RAPGEF6: variants seen among roughly 807,000 people sequenced by gnomAD.
RAPGEF6 encodes PDZ domain containing guanine nucleotide exchange factor (GEF) 2.
In RAPGEF6, 56 loss-of-function variants were observed where a neutral mutation model predicts 171.4. The ratio of observed to expected loss-of-function variants is 0.33; its 90% CI spans 0.26 to 0.41. RAPGEF6 has a LOEUF of 0.41. Ranked by LOEUF, RAPGEF6 falls within the 10% of genes least tolerant of loss-of-function variation. The pLI, the probability that RAPGEF6 is intolerant of heterozygous loss-of-function variation, is 1.00. For missense variants in RAPGEF6, 1,674 were observed against 1,921.4 expected, an observed-to-expected ratio of 0.87 and a Z score of 2.41; for synonymous variants, 692 against 650.1, an observed-to-expected ratio of 1.06 and a Z score of -0.98.
In RAPGEF6 at chr5:131,431,127, G is replaced by A. The variant is rs772537569; in HGVS notation, c.4197C>T (p.Pro1399=). ...AGTCAGTGGGTTCAACTTCAGCAAT[G>A]GGGTCATCCAAATGGGTATGTCTGT... ...NSYRHTHLDD[P]IAEVEPTDSE... is the part of the protein sequence containing the mutation. Residue 1399 remains proline (P), a synonymous_variant, in exon 26 of 28, where the codon CCC becomes CCT. Coordinates refer to ENST00000509018, the MANE Select transcript of RAPGEF6 (RefSeq NM_016340.6). 1 of 1,614,192 alleles carries A rather than the reference G, an allele frequency of 6.2e-7. No individual in the cohort carries two copies. Among genetic ancestry groups the A allele is most frequent in the Admixed American group, 1.7e-5 (1 of 60,026 alleles).
At chr5:131,497,255 T>C (rs979360164) in intron 12 of RAPGEF6, among the ~76,000 whole-genome samples, 4 of 152,244 alleles carry the variant, frequency 2.6e-5, no homozygotes, top group African/African-American at 9.6e-5. Flanking sequence ...AAGTTCTTTA[T>C]GTATTTTGGA....
intron 1 of RAPGEF6, among the ~76,000 whole-genome samples, chr5:131,632,185 T>A (rs183101127): frequency 6.6e-6 from 1 of 151,978 alleles, no homozygotes; most frequent in South Asian, 2.1e-4. Flanking sequence ...CCCTATGCTA[T>A]GCATCATTAT....
At chr5:131,541,940 T>G (rs903693713) in intron 6 of RAPGEF6, among the ~76,000 whole-genome samples, 1 of 149,490 alleles carries the variant, frequency 6.7e-6, no homozygotes, top group African/African-American at 2.5e-5. Flanking sequence ...TGGCAGACAT[T>G]CTCCATCTCA....
chr5:131,475,434 C>T lies in RAPGEF6; in HGVS notation c.2082-2690G>A, dbSNP rs191686865. On this transcript the variant is annotated intron_variant, in intron 16 of 27. Coordinates refer to ENST00000509018, the MANE Select transcript of RAPGEF6 (RefSeq NM_016340.6). The stretch of plus-strand genomic sequence containing the variant: ...GAAACTAAAAAGGCTACATAAATAT[C>T]GCCAATATGTAAATAAAATAGAATC... Among the ~76,000 whole-genome samples the T allele has an allele frequency of 4.8e-3, 728 of 152,094 alleles. 5 individuals are homozygous for T. The highest frequency in any genetic ancestry group is 0.017 in the African/African-American group (687 of 41,486).
At chr5:131,534,957 A>G (rs935706424) in intron 6 of RAPGEF6, among the ~76,000 whole-genome samples, 2 of 152,080 alleles carry the variant, frequency 1.3e-5, no homozygotes, top group African/African-American at 4.8e-5. Flanking sequence ...GCTGATCAAC[A>G]CACAAAGAAG....
chr5:131,590,838 CA>C (rs1763545586), intron 4 of RAPGEF6, among the ~76,000 whole-genome samples: 1 of 152,156 alleles, frequency 6.6e-6, no homozygotes. Flanking sequence ...TTCAGAACAG[CA>C]GGAGTGTTCA....
At chr5:131,441,859 A>G (rs1028727771) in intron 23 of RAPGEF6, among the ~76,000 whole-genome samples, 4 of 152,208 alleles carry the variant, frequency 2.6e-5, no homozygotes, top group African/African-American at 9.6e-5. Flanking sequence ...AACAAATAAA[A>G]GTAATATGAA....
intron 2 of RAPGEF6, 98 bp from the exon 3 acceptor site, chr5:131,603,425 G>A (rs900749911): frequency 1.3e-6 from 1 of 775,748 alleles, no homozygotes; most frequent in Admixed American, 2.7e-5. Context: ...TTGATTGTTA[G>A]AAAATGACCA....
intron 3 of RAPGEF6, among the ~76,000 whole-genome samples, chr5:131,594,595 CCA>C (rs1763783762): frequency 6.6e-6 from 1 of 152,164 alleles, no homozygotes; most frequent in African/African-American, 2.4e-5. Flanking sequence ...AATGGTAGAA[CCA>C]CAGTTTGCAC....
chr5:131,461,817 T>A lies in RAPGEF6; in HGVS notation c.2752A>T (p.Ile918Phe), dbSNP rs1580860504. ...NQETFWVASE[I>F]LTEANQLKRM... ...TTGAGCTGATTTGCTTCAGTTAAAA[T>A]TTCTGAGGCAACCCAGAATGTCTCT... is the stretch of plus-strand genomic sequence containing the variant. Residue 918 changes from isoleucine to phenylalanine, a missense_variant, in exon 19 of 28, where the codon ATT (isoleucine) becomes TTT (phenylalanine). Physicochemically the swap from Ile to Phe is conservative, Grantham distance 21. This residue lies in a region of RAPGEF6 where 1,116 missense variants were observed against 1,321.5 expected (regional missense o/e 0.84). Coordinates refer to ENST00000509018, the MANE Select transcript of RAPGEF6 (RefSeq NM_016340.6). The A allele has an allele frequency of 6.2e-7, 1 of 1,613,944 alleles. No homozygotes were observed. The highest frequency in any genetic ancestry group is 8.5e-7 in the Non-Finnish European group (1 of 1,179,818).
At chr5:131,578,816 T>C (rs56831358) in intron 4 of RAPGEF6, among the ~76,000 whole-genome samples, 11,229 of 152,260 alleles carry the variant, frequency 0.074, 851 homozygotes, top group African/African-American at 0.19. Context: ...GCAGTCACTA[T>C]TGTTTAAGAA....
intron 14 of RAPGEF6, 120 bp from the exon 15 acceptor site, chr5:131,489,774 C>G: frequency 2.0e-6 from 1 of 503,340 alleles, no homozygotes; most frequent in Non-Finnish European, 3.4e-6. Flanking sequence ...CCTATGTGAA[C>G]AACAGTTATC....
intron 9 of RAPGEF6, among the ~76,000 whole-genome samples, chr5:131,506,274 G>A (rs1757366293): frequency 6.6e-6 from 1 of 152,094 alleles, no homozygotes. Flanking sequence ...CTGAATAGCT[G>A]GGACTACAGG....
At chr5:131,593,829 G>C (rs1235760087) in intron 3 of RAPGEF6, among the ~76,000 whole-genome samples, 1 of 152,216 alleles carries the variant, frequency 6.6e-6, no homozygotes, top group East Asian at 1.9e-4. Flanking sequence ...GTTTCTAAAA[G>C]TGTACGTTCA....
intron 25 of RAPGEF6, 114 bp from the exon 26 acceptor site, chr5:131,431,463 G>A (rs1206620470): frequency 2.7e-6 from 3 of 1,126,662 alleles, no homozygotes; most frequent in Non-Finnish European, 3.8e-6. Context: ...AAGTGTTCAT[G>A]CCAAATAACA....
chr5:131,549,706 T>C (rs1372314544), intron 5 of RAPGEF6, among the ~76,000 whole-genome samples: 1 of 151,968 alleles, frequency 6.6e-6, no homozygotes, highest in Non-Finnish European at 1.5e-5. Context: ...TATGTGAATA[T>C]GGTCTCTCTC....
At position 131,479,756 on chromosome 5, in the gene RAPGEF6, G is replaced by A. The variant is rs781434655; in HGVS notation, c.1841-3C>T. On this transcript the variant is annotated splice_polypyrimidine_tract_variant and splice_region_variant and intron_variant, in intron 15 of 27. Coordinates refer to ENST00000509018, the MANE Select transcript of RAPGEF6 (RefSeq NM_016340.6). Reference sequence around the variant, plus strand: ...CCTAAAAAGTAACTCTTTGAACACTGTGGAAATAAAACAAATGCGTCATTT... The same window carrying A: ...CCTAAAAAGTAACTCTTTGAACACTATGGAAATAAAACAAATGCGTCATTT... The A allele has an allele frequency of 2.5e-6, 4 of 1,601,780 alleles. No homozygotes were observed. Among genetic ancestry groups the A allele is most frequent in the Non-Finnish European group, 3.4e-6 (4 of 1,175,466 alleles).
At chr5:131,449,972 T>C in intron 21 of RAPGEF6, 1 of 1,492,544 alleles carries the variant, frequency 6.7e-7, no homozygotes, top group South Asian at 1.2e-5. Flanking sequence ...ATGCAATATA[T>C]GTTAAGAGTC....
chr5:131,574,448 A>T (rs1047224312), intron 4 of RAPGEF6, among the ~76,000 whole-genome samples: 1 of 151,900 alleles, frequency 6.6e-6, no homozygotes, highest in Non-Finnish European at 1.5e-5. Flanking sequence ...TACGGGGGCT[A>T]CCCACTCCAC....
Sources: allele counts gnomAD v4.1 joint callset (sites outside exome capture counted in the v4.1 genomes callset), GRCh38; gene constraint gnomAD v4.1.1; regional missense constraint gnomAD v4.1.1; transcripts MANE v1.5; gene names NCBI Gene and HGNC (gene_info 2026-07-23, HGNC 2026-07-21).